Variants in XPO1 observed in about 807,000 individuals in gnomAD.
The protein encoded by XPO1 is exportin-1.
Under a neutral mutation model 133.3 loss-of-function variants are expected in XPO1, and 5 were observed. The ratio of observed to expected loss-of-function variants is 0.04; its 90% CI spans 0.02 to 0.08. XPO1 has a LOEUF of 0.08. Ranked by LOEUF, XPO1 falls within the 10% of genes least tolerant of loss-of-function variation. XPO1 has a pLI of 1.00. For missense variants in XPO1, 506 were observed against 1,267.5 expected, an observed-to-expected ratio of 0.40 and a Z score of 9.12; for synonymous variants, 419 against 408.2, an observed-to-expected ratio of 1.03 and a Z score of -0.32.
At chr2:61,499,937 A>G (rs746469971) in intron 6 of XPO1, 43 bp from the exon 7 acceptor site, 1 of 1,572,082 alleles carries the variant, frequency 6.4e-7, no homozygotes, top group Admixed American at 2.0e-5. Flanking sequence ...CATTTCTCAA[A>G]GGCAAATAAA....
intron 22 of XPO1, 68 bp from the exon 23 acceptor site, chr2:61,482,607 GTT>G: frequency 7.8e-7 from 1 of 1,277,380 alleles, no homozygotes; most frequent in Non-Finnish European, 1.0e-6. Flanking sequence ...GTTTTTTTTT[GTT>G]TTGTTTTTTT....
At position 61,538,104 on chromosome 2, in the gene XPO1, G is replaced by C. The variant is rs1573243146; in HGVS notation, c.-549C>G. 1 of 187,730 alleles carries C rather than the reference G, an allele frequency of 5.3e-6. No homozygotes were observed. The highest frequency in any genetic ancestry group is 1.1e-4 in the East Asian group (1 of 9,152). 11.6% of individuals were successfully genotyped at this position (187,730 alleles called of 1,614,324 possible). A position where few individuals can be genotyped will look rare whatever the true frequency, so the allele number is the denominator to read the frequency against. ...TTCTCTTGTTCCTCAGCGACTGGTG[G>C]TTCCCCCCTCCCCCTCTGGGTGGTT... On this transcript the variant is annotated 5_prime_UTR_variant, in exon 1 of 25. Coordinates refer to ENST00000401558, the MANE Select transcript of XPO1 (RefSeq NM_003400.4).
At chr2:61,528,502 G>C (rs149689834) in intron 2 of XPO1, among the ~76,000 whole-genome samples, 1 of 151,578 alleles carries the variant, frequency 6.6e-6, no homozygotes, top group African/African-American at 2.4e-5. Flanking sequence ...GAATGGTGGC[G>C]TGCGCCTATA....
In XPO1 at chr2:61,511,789, T is replaced by G. The variant is rs375807880; in HGVS notation, c.302-9479A>C. Among the ~76,000 whole-genome samples, 13 of 151,240 alleles carry G rather than the reference T, an allele frequency of 8.6e-5. No homozygotes were observed. In the East Asian group the frequency reaches 1.2e-3, roughly 14 times the overall value. ...TTTTTTTCTTTTTGAGACGGAGCCT[T>G]GCTCTGTCGCCCAGGCTGGAATGCA... On this transcript the variant is annotated intron_variant, in intron 4 of 24. Transcript: ENST00000401558.
intron 4 of XPO1, 63 bp from the exon 5 acceptor site, chr2:61,502,373 T>G: frequency 6.9e-7 from 1 of 1,445,588 alleles, no homozygotes; most frequent in Non-Finnish European, 9.6e-7. Context: ...GCAAATAAAT[T>G]TTGAGAACTA....
intron 21 of XPO1, 68 bp from the exon 22 acceptor site, chr2:61,483,159 T>G: frequency 6.6e-7 from 1 of 1,505,074 alleles, no homozygotes; most frequent in South Asian, 1.3e-5. Context: ...TATTTAGCTC[T>G]TATCAAAGTA....
intron 24 of XPO1, among the ~76,000 whole-genome samples, chr2:61,480,776 A>C: frequency 6.6e-6 from 1 of 152,144 alleles, no homozygotes. Context: ...TCAAAGAAAA[A>C]CCCTTCCCAA....
intron 20 of XPO1, 139 bp downstream of exon 20, chr2:61,485,629 G>GT: frequency 1.2e-6 from 1 of 811,482 alleles, no homozygotes; most frequent in South Asian, 2.4e-5. Context: ...AACCAAGAAA[G>GT]TATTTCCCTA....
chr2:61,514,840 C>T (rs1381467467), intron 4 of XPO1, among the ~76,000 whole-genome samples: 3 of 151,864 alleles, frequency 2.0e-5, no homozygotes, highest in Admixed American at 6.6e-5. Flanking sequence ...TGTGAGAGGC[C>T]GAAGTGGACA....
rs2104752062 is a variant in XPO1, at chr2:61,522,693, G to A, written c.229-10C>T. 6.2e-7 allele frequency: 1 copy of A among 1,602,940 alleles called. No individual in the cohort carries two copies. The highest frequency in any genetic ancestry group is 1.1e-5 in the South Asian group (1 of 90,698). Reference sequence around the variant, plus strand: ...TTTGTAGTCCATAGTACTGAAAATTGGAGAATAGAAGCATGTGAATATATT... The same window carrying A: ...TTTGTAGTCCATAGTACTGAAAATTAGAGAATAGAAGCATGTGAATATATT... On this transcript the variant is annotated splice_polypyrimidine_tract_variant and intron_variant, in intron 3 of 24. Coordinates refer to ENST00000401558, the MANE Select transcript of XPO1 (RefSeq NM_003400.4).
intron 4 of XPO1, among the ~76,000 whole-genome samples, chr2:61,507,428 G>C (rs957340456): frequency 6.6e-6 from 1 of 151,912 alleles, no homozygotes; most frequent in African/African-American, 2.4e-5. Context: ...AAAAAAATTA[G>C]CTAGGCACAG....
chr2:61,494,817 T>C (rs991492076), intron 11 of XPO1: 2 of 146,532 alleles, frequency 1.4e-5, no homozygotes, highest in Non-Finnish European at 3.0e-5. Flanking sequence ...TACTTAAGTT[T>C]ATATATATAT....
At chr2:61,483,694 A>G (rs1696526504) in intron 21 of XPO1, 1 of 420,832 alleles carries the variant, frequency 2.4e-6, no homozygotes, top group East Asian at 4.9e-5. Flanking sequence ...TACCCAGTAG[A>G]ACTTTGTATT....
chr2:61,526,253 G>T, intron 3 of XPO1, 167 bp downstream of exon 3: 3 of 1,420,720 alleles, frequency 2.1e-6, no homozygotes, highest in East Asian at 2.7e-5. Flanking sequence ...TAATTCTTAG[G>T]ACTATTTGCA....
intron 3 of XPO1, among the ~76,000 whole-genome samples, chr2:61,524,336 G>A (rs923331524): frequency 2.0e-5 from 3 of 152,148 alleles, no homozygotes; most frequent in African/African-American, 7.2e-5. Flanking sequence ...TTAATGGAAA[G>A]ACACTGTCCT....
intron 4 of XPO1, among the ~76,000 whole-genome samples, chr2:61,513,413 T>A (rs1698195792): frequency 6.8e-6 from 1 of 147,696 alleles, no homozygotes; most frequent in African/African-American, 2.5e-5. Context: ...TCACCCAGGC[T>A]GGAGGGCAGT....
intron 4 of XPO1, among the ~76,000 whole-genome samples, chr2:61,509,328 C>T (rs1697976330): frequency 6.6e-6 from 1 of 152,052 alleles, no homozygotes; most frequent in Non-Finnish European, 1.5e-5. Flanking sequence ...TTTTAAAGCA[C>T]CAACATGGCA....
At chr2:61,495,731 G>T (rs1243537336) in intron 10 of XPO1, 118 bp from the exon 11 acceptor site, 8 of 1,051,996 alleles carry the variant, frequency 7.6e-6, no homozygotes, top group Non-Finnish European at 3.8e-6. Context: ...GAGTGCAGTG[G>T]TATGACCAAA....
intron 1 of XPO1, chr2:61,536,795 A>T (rs1016669756): frequency 6.6e-6 from 1 of 152,362 alleles, no homozygotes; most frequent in African/African-American, 2.4e-5. Flanking sequence ...CGGCGTGATC[A>T]GAGGAGGTCC....
Sources: gnomAD v4.1 joint callset for allele counts (sites outside exome capture counted in the v4.1 genomes callset) on GRCh38, gnomAD v4.1.1 for gene constraint, MANE v1.5 for transcripts, NCBI Gene and HGNC (gene_info 2026-07-23, HGNC 2026-07-21) for gene names.